UVRAG: variants seen among roughly 807,000 people sequenced by gnomAD.
UVRAG encodes the protein UV radiation resistance associated, also known as UV radiation resistance-associated gene protein.
Under a neutral mutation model 78.0 loss-of-function variants are expected in UVRAG, and 19 were observed. The observed-to-expected ratio is 0.24, with a 90% CI of 0.17 to 0.36. The LOEUF (loss-of-function observed/expected upper bound fraction) is 0.36. Among genes scored for constraint, UVRAG ranks in the 10% least tolerant of loss-of-function variants. The pLI is 1.00. For missense variants in UVRAG, 740 were observed against 853.8 expected, an observed-to-expected ratio of 0.87 and a Z score of 1.66; for synonymous variants, 323 against 324.6, an observed-to-expected ratio of 1.00 and a Z score of 0.05.
chr11:75,944,539 T>C (rs544863857), intron 6 of UVRAG, among the ~76,000 whole-genome samples: 1 of 152,278 alleles, frequency 6.6e-6, no homozygotes, highest in African/African-American at 2.4e-5. Context: ...ATTACTTACC[T>C]GCCAAATGTT....
intron 12 of UVRAG, among the ~76,000 whole-genome samples, chr11:76,050,420 T>C (rs1175740735): frequency 6.6e-6 from 1 of 152,234 alleles, no homozygotes; most frequent in Non-Finnish European, 1.5e-5. Flanking sequence ...TTTGCAGATA[T>C]TTGTTGAATA....
chr11:76,045,385 T>C (rs574009867), intron 12 of UVRAG, among the ~76,000 whole-genome samples: 1 of 152,218 alleles, frequency 6.6e-6, no homozygotes, highest in African/African-American at 2.4e-5. Context: ...GTGTGCTCTT[T>C]AGTGCCTTGC....
At chr11:75,978,253 G>C (rs998316839) in intron 7 of UVRAG, among the ~76,000 whole-genome samples, 1 of 152,160 alleles carries the variant, frequency 6.6e-6, no homozygotes, top group Non-Finnish European at 1.5e-5. Flanking sequence ...AGTCTGATGG[G>C]CTTCCCTTTG....
chr11:76,102,142 T>C (rs1206765926), intron 13 of UVRAG, among the ~76,000 whole-genome samples: 1 of 152,230 alleles, frequency 6.6e-6, no homozygotes, highest in African/African-American at 2.4e-5. Context: ...TTGATAGGAA[T>C]AGCAATTGAA....
chr11:76,004,502 T>G (rs1469964913), intron 9 of UVRAG, among the ~76,000 whole-genome samples: 2 of 152,178 alleles, frequency 1.3e-5, no homozygotes, highest in East Asian at 3.8e-4. Flanking sequence ...CATCAGTCTC[T>G]TCATCTTTCC....
intron 14 of UVRAG, among the ~76,000 whole-genome samples, chr11:76,119,782 G>A (rs1294477383): frequency 6.6e-6 from 1 of 152,200 alleles, no homozygotes; most frequent in African/African-American, 2.4e-5. Context: ...AGTGCAATTT[G>A]TCTCCTTGTC....
chr11:75,877,060 A>G (rs1343274489), intron 3 of UVRAG, among the ~76,000 whole-genome samples: 2 of 151,374 alleles, frequency 1.3e-5, no homozygotes, highest in Non-Finnish European at 2.9e-5. Flanking sequence ...CTTAACGAGC[A>G]TGCTGCCTTC....
At chr11:75,873,195 A>G (rs1291181619) in intron 3 of UVRAG, among the ~76,000 whole-genome samples, 1 of 152,248 alleles carries the variant, frequency 6.6e-6, no homozygotes, top group Admixed American at 6.5e-5. Context: ...TTCTCTATTT[A>G]TAAAGCATGA....
At chr11:75,816,200 C>A (rs934400422) in intron 1 of UVRAG, among the ~76,000 whole-genome samples, 1 of 152,178 alleles carries the variant, frequency 6.6e-6, no homozygotes, top group Admixed American at 6.5e-5. Context: ...TGTATATATT[C>A]ATGTGTTCCT....
At chr11:75,953,547 T>C (rs966056592) in intron 6 of UVRAG, among the ~76,000 whole-genome samples, 8 of 152,202 alleles carry the variant, frequency 5.3e-5, no homozygotes, top group African/African-American at 1.9e-4. Context: ...TAATTTGTCA[T>C]TCTTTGTCTT....
At chr11:76,095,363 T>C (rs1565158802) in intron 13 of UVRAG, among the ~76,000 whole-genome samples, 2 of 152,134 alleles carry the variant, frequency 1.3e-5, no homozygotes, top group South Asian at 2.1e-4. Context: ...TTACCACTTA[T>C]CTATCTGCTT....
chr11:75,916,228 T>C (rs892115641), intron 6 of UVRAG: 1 of 152,222 alleles, frequency 6.6e-6, no homozygotes, highest in Admixed American at 6.5e-5. Flanking sequence ...AACTGCCATG[T>C]GTAGGTAGAC....
intron 12 of UVRAG, among the ~76,000 whole-genome samples, chr11:76,024,168 C>T (rs574810392): frequency 4.5e-4 from 68 of 152,272 alleles, no homozygotes; most frequent in Non-Finnish European, 9.0e-4. Flanking sequence ...AGGAAAATCA[C>T]TTTGCGAGCT....
At chr11:76,101,066 A>C (rs1476375942) in intron 13 of UVRAG, among the ~76,000 whole-genome samples, 1 of 152,110 alleles carries the variant, frequency 6.6e-6, no homozygotes, top group Non-Finnish European at 1.5e-5. Context: ...GCTGCAATGA[A>C]CATACACGTG....
chr11:75,899,287 G>A (rs1947430442), intron 5 of UVRAG, among the ~76,000 whole-genome samples: 1 of 151,948 alleles, frequency 6.6e-6, no homozygotes, highest in African/African-American at 2.4e-5. Flanking sequence ...TATTATACTA[G>A]GTAAGTATAG....
At chr11:76,128,804 G>C (rs1003452016) in intron 14 of UVRAG, among the ~76,000 whole-genome samples, 1 of 152,026 alleles carries the variant, frequency 6.6e-6, no homozygotes, top group Non-Finnish European at 1.5e-5. Context: ...GTTTAAGCTC[G>C]ATTTAGATAT....
At chr11:76,131,296 C>A (rs577375749) in intron 14 of UVRAG, among the ~76,000 whole-genome samples, 1 of 152,278 alleles carries the variant, frequency 6.6e-6, no homozygotes, top group East Asian at 1.9e-4. Flanking sequence ...ATTCCCTGAT[C>A]CCATGGAGCT....
rs140217190 is a variant in UVRAG at position 75,920,008 on chromosome 11, GTTTTTTTTTTTTTTTTTT to G, written c.593+7987_593+8004del. Among the ~76,000 whole-genome samples, 131 of 55,502 alleles carry G rather than the reference GTTTTTTTTTTTTTTTTTT, an allele frequency of 2.4e-3. 2 individuals carry two copies. Among genetic ancestry groups the G allele is most frequent in the East Asian group, 0.016 (26 of 1,578 alleles). 36.4% of individuals were successfully genotyped at this position (55,502 alleles called of 152,430 possible). ...CAAAATTTAAAATAAAATAATTTTGGTTTTTTTTTTTTTTTTTTTTTTTTTTTTTTTTTTTGGGACGAA... is the reference window on the plus strand; with the variant it reads ...CAAAATTTAAAATAAAATAATTTTGGTTTTTTTTTTTTTTTTTGGGACGAA... On this transcript the variant is annotated intron_variant, in intron 6 of 14. Transcript: ENST00000356136.
chr11:75,946,088 A>G (rs1948583427), intron 6 of UVRAG, among the ~76,000 whole-genome samples: 1 of 152,172 alleles, frequency 6.6e-6, no homozygotes, highest in Non-Finnish European at 1.5e-5. Context: ...TTATTACTTA[A>G]CAGAGGGCAT....
Sources: allele counts gnomAD v4.1 joint callset (sites outside exome capture counted in the v4.1 genomes callset), GRCh38; gene constraint gnomAD v4.1.1; transcripts MANE v1.5; gene names NCBI Gene and HGNC (gene_info 2026-07-23, HGNC 2026-07-21).